Variants in CLASP1 observed in about 807,000 individuals in gnomAD.
CLASP1 encodes the protein cytoplasmic linker associated protein 1, also known as CLIP-associating protein 1.
A neutral mutation model predicts 192.3 loss-of-function variants in CLASP1; 38 were observed. The observed-to-expected ratio is 0.20, with a 90% CI of 0.15 to 0.26. The LOEUF (loss-of-function observed/expected upper bound fraction) is 0.26. Among genes scored for constraint, CLASP1 ranks in the 10% least tolerant of loss-of-function variants. The probability of loss-of-function intolerance (pLI) is 1.00; values close to 1 mark genes in which losing one functional copy is unlikely to be tolerated. For missense variants in CLASP1, 1,433 were observed against 1,932.5 expected (o/e 0.74, Z 4.85); for synonymous variants, 691 against 712.8 (o/e 0.97, Z 0.49).
intron 4 of CLASP1, among the ~76,000 whole-genome samples, chr2:121,528,194 T>A (rs763155992): frequency 6.6e-6 from 1 of 152,192 alleles, no homozygotes; most frequent in South Asian, 2.1e-4. Context: ...AAGGAGCTAG[T>A]GAGTTGCCAA....
intron 1 of CLASP1, among the ~76,000 whole-genome samples, chr2:121,630,127 C>T (rs2069210371): frequency 6.6e-6 from 1 of 151,950 alleles, no homozygotes; most frequent in Non-Finnish European, 1.5e-5. Context: ...ACCATGTTGG[C>T]CAGGCTGGTC....
In CLASP1 at chr2:121,528,673, C is replaced by G; in HGVS notation, c.378+4G>C. ...TGACCTCAAAACACATCTCTTGCCCCTACCTGGGGATTAGCAGCTTGATCC... is the reference window on the plus strand; with the variant it reads ...TGACCTCAAAACACATCTCTTGCCCGTACCTGGGGATTAGCAGCTTGATCC... On this transcript the variant is annotated splice_donor_region_variant and intron_variant, in intron 4 of 39. Transcript: ENST00000263710. 6.2e-7 allele frequency: 1 copy of G among 1,613,842 alleles called. No homozygotes were observed. The highest frequency in any genetic ancestry group is 1.1e-5 in the South Asian group (1 of 91,076).
At chr2:121,591,663 C>T (rs1367962086) in intron 2 of CLASP1, among the ~76,000 whole-genome samples, 1 of 152,222 alleles carries the variant, frequency 6.6e-6, no homozygotes, top group East Asian at 1.9e-4. Context: ...AGAATTTTAT[C>T]TCTATTAAGG....
intron 1 of CLASP1, among the ~76,000 whole-genome samples, chr2:121,614,967 C>G (rs1028651118): frequency 2.0e-5 from 3 of 152,310 alleles, no homozygotes; most frequent in Middle Eastern, 6.8e-3. Flanking sequence ...ATTAAGAAGG[C>G]TTGGAATGAC....
intron 23 of CLASP1, among the ~76,000 whole-genome samples, chr2:121,415,111 T>C (rs892333668): frequency 9.9e-5 from 15 of 152,206 alleles, no homozygotes; most frequent in Admixed American, 5.2e-4. Context: ...GTGTAATCGT[T>C]TGAATTTAGC....
At position 121,367,180 on chromosome 2, in the gene CLASP1, G is replaced by A. The variant is rs151311314; in HGVS notation, c.3886+408C>T. On this transcript the variant is annotated intron_variant, in intron 35 of 39. Coordinates refer to ENST00000263710, the Ensembl canonical transcript of CLASP1. ...TCAGGATCTCACTCCACAGCTCGGGGAGCTGGGAAGCAGGTCCAAGGCCTT... is the reference window on the plus strand; with the variant it reads ...TCAGGATCTCACTCCACAGCTCGGGAAGCTGGGAAGCAGGTCCAAGGCCTT... Among the ~76,000 whole-genome samples, 212 of 152,310 alleles carry A rather than the reference G, an allele frequency of 1.4e-3. 1 individual carries two copies. Among genetic ancestry groups the A allele is most frequent in the Middle Eastern group, 6.8e-3 (2 of 294 alleles).
Position 121,384,499 on chromosome 2 carries a change from T to TAAACTAGTGGAAAA in CLASP1, c.3375-2176_3375-2175insTTTTCCACTAGTTT, listed in dbSNP as rs2072736143. Among the ~76,000 whole-genome samples the TAAACTAGTGGAAAA allele has an allele frequency of 2.6e-5, 4 of 152,278 alleles. No individual in the cohort carries two copies. In the South Asian group the frequency reaches 8.3e-4, roughly 32 times the overall value. The stretch of plus-strand genomic sequence containing the variant: ...CACGGTGTCCAGCCACTAGTGATAT[T>TAAACTAGTGGAAAA]TTTAAACAATTATCAGATTTATCAT... On this transcript the variant is annotated intron_variant, in intron 32 of 39. Coordinates refer to ENST00000263710, the Ensembl canonical transcript of CLASP1.
chr2:121,587,551 C>T (rs143402896), intron 2 of CLASP1, among the ~76,000 whole-genome samples: 4 of 152,176 alleles, frequency 2.6e-5, no homozygotes, highest in South Asian at 2.1e-4. Context: ...CAATGTCAGC[C>T]GGGCGAGGTG....
chr2:121,412,445 A>T (rs1161192802), intron 23 of CLASP1, among the ~76,000 whole-genome samples: 4 of 152,122 alleles, frequency 2.6e-5, no homozygotes, highest in Non-Finnish European at 4.4e-5. Flanking sequence ...CTATGCACAC[A>T]TAGTTTTACA....
intron 8 of CLASP1, among the ~76,000 whole-genome samples, chr2:121,492,128 G>A (rs539535737): frequency 5.8e-4 from 88 of 152,214 alleles, no homozygotes; most frequent in Non-Finnish European, 9.1e-4. Context: ...ATTGGCTCAC[G>A]CCTGTAATCC....
chr2:121,520,692 A>C (rs1387912876), intron 6 of CLASP1, among the ~76,000 whole-genome samples: 2 of 152,248 alleles, frequency 1.3e-5, no homozygotes, highest in African/African-American at 4.8e-5. Context: ...AGGTGCTGTG[A>C]AGATGAAATC....
intron 37 of CLASP1, among the ~76,000 whole-genome samples, chr2:121,360,710 A>G (rs955017163): frequency 2.6e-5 from 4 of 152,172 alleles, no homozygotes; most frequent in African/African-American, 4.8e-5. Flanking sequence ...GTAAAGTTTT[A>G]TAAGGAAACT....
chr2:121,620,027 G>A (rs2067069393), intron 1 of CLASP1, among the ~76,000 whole-genome samples: 1 of 152,028 alleles, frequency 6.6e-6, no homozygotes, highest in Non-Finnish European at 1.5e-5. Flanking sequence ...TTCAAGACCA[G>A]TCTGGCCAAC....
At chr2:121,509,143 A>T (rs1293508838) in intron 7 of CLASP1, among the ~76,000 whole-genome samples, 1 of 152,214 alleles carries the variant, frequency 6.6e-6, no homozygotes, top group African/African-American at 2.4e-5. Flanking sequence ...TAGAACAAAC[A>T]TCTATAAGAC....
intron 2 of CLASP1, among the ~76,000 whole-genome samples, chr2:121,540,478 T>C (rs2095207003): frequency 6.6e-6 from 1 of 151,840 alleles, no homozygotes; most frequent in African/African-American, 2.4e-5. Flanking sequence ...TTTCTAAAAA[T>C]CATCAATTTT....
chr2:121,423,669 T>C (rs1012017137), intron 22 of CLASP1, among the ~76,000 whole-genome samples: 1 of 152,190 alleles, frequency 6.6e-6, no homozygotes, highest in African/African-American at 2.4e-5. Flanking sequence ...GCATCAGACA[T>C]AAAATTCAGA....
chr2:121,416,444 C>T lies in CLASP1; in HGVS notation c.2320+2178G>A, dbSNP rs183432627. 1.5e-4 allele frequency among the ~76,000 whole-genome samples: 23 copies of T among 152,208 alleles called. No homozygotes were observed. In the East Asian group the frequency reaches 4.2e-3, roughly 28 times the overall value. On this transcript the variant is annotated intron_variant, in intron 23 of 39. Transcript: ENST00000263710. ...GTTGTTGTTGTTAAAGAGCTGGCTACGTAAGTGGATTCAAAGAAGCACTGA... is the reference window on the plus strand; with the variant it reads ...GTTGTTGTTGTTAAAGAGCTGGCTATGTAAGTGGATTCAAAGAAGCACTGA...
chr2:121,642,414 A>G (rs2072287232), intron 1 of CLASP1, among the ~76,000 whole-genome samples: 2 of 151,706 alleles, frequency 1.3e-5, no homozygotes, highest in East Asian at 1.9e-4. Flanking sequence ...AAAAAAAAAA[A>G]AAAAGAAAAA....
At chr2:121,426,624 T>C (rs2080428590) in intron 21 of CLASP1, among the ~76,000 whole-genome samples, 1 of 152,068 alleles carries the variant, frequency 6.6e-6, no homozygotes, top group Admixed American at 6.5e-5. Context: ...AAAATAAAAA[T>C]TGTGTATTAA....
Sources: allele counts gnomAD v4.1 joint callset (sites outside exome capture counted in the v4.1 genomes callset), GRCh38; gene constraint gnomAD v4.1.1; transcripts MANE v1.5; gene names NCBI Gene and HGNC (gene_info 2026-07-23, HGNC 2026-07-21).